Variants in SLC8A3 observed in about 807,000 individuals in gnomAD.
SLC8A3 encodes the protein sodium/calcium exchanger 3.
SLC8A3 carries 37 observed loss-of-function variants against 65.4 expected under a neutral mutation model. The ratio of observed to expected loss-of-function variants is 0.57; its 90% CI spans 0.44 to 0.74. SLC8A3 has a LOEUF of 0.74. SLC8A3 is among the 30% of genes least tolerant of loss of function. The pLI is 0.00. For missense variants in SLC8A3, 1,112 were observed against 1,172.1 expected (o/e 0.95, Z 0.75); for synonymous variants, 461 against 444.5 (o/e 1.04, Z -0.47).
intron 2 of SLC8A3, among the ~76,000 whole-genome samples, chr14:70,087,357 C>T (rs1045223072): frequency 3.9e-5 from 6 of 152,220 alleles, no homozygotes; most frequent in Admixed American, 3.9e-4. Flanking sequence ...CATTTATCTT[C>T]TCAAACTTCC....
intron 2 of SLC8A3, among the ~76,000 whole-genome samples, chr14:70,145,322 C>T (rs1895860268): frequency 6.6e-6 from 1 of 152,352 alleles, no homozygotes; most frequent in South Asian, 2.1e-4. Context: ...CCTAAACCTT[C>T]AGTTCCAATC....
intron 6 of SLC8A3, 80 bp downstream of exon 6, chr14:70,048,687 G>T: frequency 8.2e-7 from 1 of 1,223,584 alleles, no homozygotes; most frequent in Non-Finnish European, 1.2e-6. Context: ...AGATGGTGTG[G>T]AAGATAATGA....
chr14:70,065,560 G>T (rs143494730), intron 2 of SLC8A3, among the ~76,000 whole-genome samples: 116 of 152,300 alleles, frequency 7.6e-4, no homozygotes, highest in African/African-American at 2.8e-3. Flanking sequence ...GTGACCTTGG[G>T]CAATGCTCTA....
chr14:70,164,768 T>C (rs7144377), intron 2 of SLC8A3, among the ~76,000 whole-genome samples: 16,233 of 152,240 alleles, frequency 0.11, 1,166 homozygotes, highest in Non-Finnish European at 0.16. Flanking sequence ...CTTAATGTCA[T>C]TTAATGCCTT....
chr14:70,065,713 G>T (rs183362573), intron 2 of SLC8A3, among the ~76,000 whole-genome samples: 90 of 152,318 alleles, frequency 5.9e-4, no homozygotes, highest in Non-Finnish European at 2.4e-4. Context: ...ATCACTAAGA[G>T]TAACAACAAT....
intron 2 of SLC8A3, among the ~76,000 whole-genome samples, chr14:70,119,350 A>G (rs536967904): frequency 1.2e-4 from 18 of 152,262 alleles, no homozygotes; most frequent in African/African-American, 4.1e-4. Context: ...TTTCTCCTAC[A>G]TGGACACTGT....
At chr14:70,137,013 G>A (rs1473013444) in intron 2 of SLC8A3, among the ~76,000 whole-genome samples, 1 of 152,146 alleles carries the variant, frequency 6.6e-6, no homozygotes, top group Non-Finnish European at 1.5e-5. Flanking sequence ...AGTATAGAAG[G>A]GCTAATCAAT....
At chr14:70,155,721 C>G (rs143921419) in intron 2 of SLC8A3, among the ~76,000 whole-genome samples, 1 of 152,204 alleles carries the variant, frequency 6.6e-6, no homozygotes, top group Non-Finnish European at 1.5e-5. Flanking sequence ...CCCAGGTAAC[C>G]AAAGCTGTGC....
At chr14:70,144,303 T>A (rs1478210360) in intron 2 of SLC8A3, among the ~76,000 whole-genome samples, 2 of 113,092 alleles carry the variant, frequency 1.8e-5, no homozygotes, top group African/African-American at 6.9e-5. Flanking sequence ...TAACGAAAAC[T>A]TCCTGTTTTT....
intron 1 of SLC8A3, among the ~76,000 whole-genome samples, chr14:70,186,325 C>G (rs552522926): frequency 2.2e-4 from 33 of 152,302 alleles, no homozygotes; most frequent in Admixed American, 3.9e-4. Context: ...ATTACCCAGT[C>G]TTGGGTATGT....
intron 3 of SLC8A3, chr14:70,055,940 G>A: frequency 3.9e-6 from 3 of 777,336 alleles, no homozygotes; most frequent in Middle Eastern, 2.4e-4. Flanking sequence ...CTTAGTAGGT[G>A]AGAGCTCAGC....
At chr14:70,141,261 T>A (rs1487135623) in intron 2 of SLC8A3, among the ~76,000 whole-genome samples, 1 of 152,292 alleles carries the variant, frequency 6.6e-6, no homozygotes, top group East Asian at 1.9e-4. Flanking sequence ...CTGTTGGAAA[T>A]GTATTCAGCA....
At chr14:70,075,364 C>T (rs1890406222) in intron 2 of SLC8A3, among the ~76,000 whole-genome samples, 1 of 152,140 alleles carries the variant, frequency 6.6e-6, no homozygotes, top group South Asian at 2.1e-4. Context: ...ACGTGCCTGC[C>T]CAAGGTTTGC....
At chr14:70,124,622 A>G (rs942759312) in intron 2 of SLC8A3, among the ~76,000 whole-genome samples, 3 of 152,262 alleles carry the variant, frequency 2.0e-5, no homozygotes, top group Admixed American at 6.5e-5. Context: ...TATGCAATGA[A>G]GTTCAAAATC....
intron 2 of SLC8A3, among the ~76,000 whole-genome samples, chr14:70,084,146 T>C (rs1594956282): frequency 2.0e-5 from 3 of 152,248 alleles, no homozygotes; most frequent in East Asian, 1.9e-4. Context: ...ATTGCTGTTG[T>C]TGTGATTCTT....
intron 2 of SLC8A3, among the ~76,000 whole-genome samples, chr14:70,161,008 G>C (rs1433483107): frequency 1.3e-5 from 2 of 151,184 alleles, no homozygotes; most frequent in Non-Finnish European, 2.9e-5. Context: ...ACTTTGGGAG[G>C]CTGAGGCTGG....
At chr14:70,110,335 C>T (rs1216286630) in intron 2 of SLC8A3, among the ~76,000 whole-genome samples, 1 of 117,494 alleles carries the variant, frequency 8.5e-6, no homozygotes, top group African/African-American at 3.2e-5. Flanking sequence ...TCCCCCTAAG[C>T]CCCCCACCAC....
chr14:70,176,924 C>A (rs1897943186), intron 1 of SLC8A3, among the ~76,000 whole-genome samples: 3 of 152,230 alleles, frequency 2.0e-5, no homozygotes, highest in African/African-American at 7.2e-5. Flanking sequence ...CTTCTTCACA[C>A]TTCCTCATGG....
intron 2 of SLC8A3, among the ~76,000 whole-genome samples, chr14:70,115,135 C>T (rs1191068391): frequency 6.6e-6 from 1 of 152,170 alleles, no homozygotes; most frequent in Non-Finnish European, 1.5e-5. Flanking sequence ...GATGAAGGAG[C>T]TGAGGCCCCA....
Sources: allele counts gnomAD v4.1 joint callset (sites outside exome capture counted in the v4.1 genomes callset), GRCh38; gene constraint gnomAD v4.1.1; transcripts MANE v1.5; gene names NCBI Gene and HGNC (gene_info 2026-07-23, HGNC 2026-07-21).